Variants in CLMP observed in about 807,000 individuals in gnomAD.
CLMP encodes the protein CXADR-like membrane protein.
In CLMP, 27 loss-of-function variants were observed where a neutral mutation model predicts 45.2. The ratio of observed to expected loss-of-function variants is 0.60; its 90% CI spans 0.44 to 0.82. CLMP has a LOEUF of 0.82. Ranked by LOEUF, CLMP falls within the 40% of genes least tolerant of loss-of-function variation. The pLI is 0.00. For synonymous variants in CLMP, 167 were observed against 171.4 expected (o/e 0.97, Z 0.20); for missense variants, 403 against 448.4 (o/e 0.90, Z 0.91).
At chr11:123,142,905 C>T (rs1342559922) in intron 1 of CLMP, among the ~76,000 whole-genome samples, 4 of 152,102 alleles carry the variant, frequency 2.6e-5, no homozygotes, top group Non-Finnish European at 5.9e-5. Flanking sequence ...GGACTACAGG[C>T]GTGAGCCACC....
chr11:123,106,906 G>A (rs1292813926), intron 1 of CLMP, among the ~76,000 whole-genome samples: 1 of 151,940 alleles, frequency 6.6e-6, no homozygotes, highest in African/African-American at 2.4e-5. Flanking sequence ...TGTAGTCCCA[G>A]CTACTCGGGA....
At chr11:123,150,485 A>AAAGAAAGAAAG (rs1565397482) in intron 1 of CLMP, among the ~76,000 whole-genome samples, 1 of 109,924 alleles carries the variant, frequency 9.1e-6, no homozygotes, top group Non-Finnish European at 1.9e-5. Flanking sequence ...GAAAGAAAGG[A>AAAGAAAGAAAG]AGGAAGGAAG....
At chr11:123,133,791 A>G (rs1861026016) in intron 1 of CLMP, among the ~76,000 whole-genome samples, 1 of 152,180 alleles carries the variant, frequency 6.6e-6, no homozygotes, top group South Asian at 2.1e-4. Flanking sequence ...CTGTGAAGAC[A>G]GGAACACTGA....
intron 1 of CLMP, among the ~76,000 whole-genome samples, chr11:123,192,080 A>G (rs1236595195): frequency 1.3e-5 from 2 of 152,230 alleles, no homozygotes; most frequent in African/African-American, 4.8e-5. Flanking sequence ...GCAGGAAATA[A>G]GGAGGCAGTT....
chr11:123,117,940 A>C (rs763740989), intron 1 of CLMP, among the ~76,000 whole-genome samples: 14 of 152,152 alleles, frequency 9.2e-5, no homozygotes, highest in Admixed American at 2.0e-4. Flanking sequence ...TACAGCACTA[A>C]AGAATGTGGC....
chr11:123,142,943 C>T (rs1861186176), intron 1 of CLMP, among the ~76,000 whole-genome samples: 1 of 152,174 alleles, frequency 6.6e-6, no homozygotes. Flanking sequence ...TTTCTTAAAA[C>T]AGGCAGTCCT....
At chr11:123,080,903 G>T (rs1248256290) in intron 5 of CLMP, among the ~76,000 whole-genome samples, 1 of 152,142 alleles carries the variant, frequency 6.6e-6, no homozygotes, top group Non-Finnish European at 1.5e-5. Context: ...CCAGCACTTT[G>T]GGAGGCCGAG....
Position 123,097,804 on chromosome 11 carries a change from G to A in CLMP, c.177C>T (p.Asn59=). 6.3e-7 allele frequency: 1 copy of A among 1,588,720 alleles called. No homozygotes were observed. The highest frequency in any genetic ancestry group is 8.6e-7 in the Non-Finnish European group (1 of 1,167,234). Residue 59 remains asparagine (N), a synonymous_variant, in exon 2 of 7, where the codon AAC becomes AAT. Transcript: ENST00000448775. ...CCAGGTGTCTACTTACCACTTTTTG[G>A]TTCCCTTCATTATCGGTGAGCAGCC... is the stretch of plus-strand genomic sequence containing the variant. ...IEWLLTDNEG[N]QKVVITYSSR...
chr11:123,171,447 CT>C (rs758162904), intron 1 of CLMP, among the ~76,000 whole-genome samples: 4,205 of 136,320 alleles, frequency 0.031, 154 homozygotes, highest in African/African-American at 0.1. Context: ...CTTTTCTTTT[CT>C]TTTTTTTTTT....
rs757706049 is a variant in CLMP at position 123,092,309 on chromosome 11, TC to T, written c.186+5485del. Among the ~76,000 whole-genome samples, 703 of 151,614 alleles carry T rather than the reference TC, an allele frequency of 4.6e-3. 12 individuals are homozygous for T. The highest frequency in any genetic ancestry group is 0.016 in the African/African-American group (654 of 41,252). ...ACACACAAAGACACACACTTTTTTTTCTTTTTGAGACGGAGCCTAGCTCTGT... is the reference window on the plus strand; with the variant it reads ...ACACACAAAGACACACACTTTTTTTTTTTTTGAGACGGAGCCTAGCTCTGT... On this transcript the variant is annotated intron_variant, in intron 2 of 6. Transcript: ENST00000448775.
chr11:123,142,849 A>C (rs939737229), intron 1 of CLMP, among the ~76,000 whole-genome samples: 5 of 147,684 alleles, frequency 3.4e-5, no homozygotes, highest in Admixed American at 6.7e-5. Context: ...GATGGTCTCG[A>C]TCTCCTGACC....
chr11:123,098,076 G>T, intron 1 of CLMP, 124 bp from the exon 2 acceptor site: 1 of 683,942 alleles, frequency 1.5e-6, no homozygotes, highest in Non-Finnish European at 2.2e-6. Flanking sequence ...GGTTGCAAGA[G>T]TCCTAGACCA....
At chr11:123,129,914 A>T (rs1257982013) in intron 1 of CLMP, among the ~76,000 whole-genome samples, 1 of 133,952 alleles carries the variant, frequency 7.5e-6, no homozygotes, top group African/African-American at 2.9e-5. Context: ...TTATCAAAAC[A>T]CACTTTTTTT....
chr11:123,085,801 A>C (rs1865859527), intron 2 of CLMP, among the ~76,000 whole-genome samples: 1 of 145,202 alleles, frequency 6.9e-6, no homozygotes, highest in Non-Finnish European at 1.5e-5. Context: ...TTTGAGATAG[A>C]GTCTCACTCT....
chr11:123,088,054 G>A (rs1419721311), intron 2 of CLMP, among the ~76,000 whole-genome samples: 1 of 151,906 alleles, frequency 6.6e-6, no homozygotes, highest in Non-Finnish European at 1.5e-5. Flanking sequence ...GGGATTACAG[G>A]CATGTGCCAC....
intron 5 of CLMP, among the ~76,000 whole-genome samples, chr11:123,082,077 A>G (rs942421441): frequency 1.3e-5 from 2 of 152,156 alleles, no homozygotes; most frequent in African/African-American, 4.8e-5. Flanking sequence ...ATTATAACAC[A>G]TGTACACACG....
At chr11:123,090,077 G>A (rs1265519841) in intron 2 of CLMP, among the ~76,000 whole-genome samples, 1 of 150,658 alleles carries the variant, frequency 6.6e-6, no homozygotes, top group East Asian at 2.0e-4. Context: ...CAACAAGAGT[G>A]AAACTCTGTC....
At position 123,150,346 on chromosome 11, in the gene CLMP, A is replaced by T. The variant is rs116756439; in HGVS notation, c.28+44567T>A. ...CAAGGAAGATCTTCCATGGTCAGAA[A>T]GGTGTGGGGGTTTGACACAGGGGCA... On this transcript the variant is annotated intron_variant, in intron 1 of 6. Coordinates refer to ENST00000448775, the MANE Select transcript of CLMP (RefSeq NM_024769.5). 3.3e-3 allele frequency among the ~76,000 whole-genome samples: 500 copies of T among 149,682 alleles called. 7 individuals carry two copies. Among genetic ancestry groups the T allele is most frequent in the African/African-American group, 0.011 (455 of 40,492 alleles).
At chr11:123,087,594 G>T (rs1027606154) in intron 2 of CLMP, among the ~76,000 whole-genome samples, 1 of 152,002 alleles carries the variant, frequency 6.6e-6, no homozygotes, top group Non-Finnish European at 1.5e-5. Context: ...ATGCCGAGGC[G>T]GGTGGATCAC....
Sources: allele counts gnomAD v4.1 joint callset (sites outside exome capture counted in the v4.1 genomes callset), GRCh38; gene constraint gnomAD v4.1.1; transcripts MANE v1.5; gene names NCBI Gene and HGNC (gene_info 2026-07-23, HGNC 2026-07-21).